Variants in FAM114A1 observed in about 807,000 individuals in gnomAD.
FAM114A1 encodes the protein family with sequence similarity 114 member A1.
FAM114A1 carries 62 observed loss-of-function variants against 64.3 expected under a neutral mutation model. That is an observed-to-expected ratio of 0.96 (90% confidence interval 0.79 to 1.19). The LOEUF (loss-of-function observed/expected upper bound fraction) is 1.19. Among genes scored for constraint, FAM114A1 ranks in the 50% most tolerant of loss-of-function variants. The pLI is 0.00. For missense variants in FAM114A1, 645 were observed against 676.3 expected (o/e 0.95, Z 0.51); for synonymous variants, 254 against 251.1 (o/e 1.01, Z -0.11).
intron 12 of FAM114A1, among the ~76,000 whole-genome samples, 172 bp downstream of exon 12, chr4:38,932,546 G>C (rs942696150): frequency 1.2e-4 from 18 of 152,118 alleles, no homozygotes; most frequent in Admixed American, 6.5e-5. Flanking sequence ...ACCCAGACTG[G>C]AGTGCAATGG....
chr4:38,897,021 A>G (rs915089195), intron 4 of FAM114A1, among the ~76,000 whole-genome samples: 3 of 152,230 alleles, frequency 2.0e-5, no homozygotes, highest in Middle Eastern at 3.2e-3. Flanking sequence ...ACAGTTGTTG[A>G]AAAACTGCAG....
chr4:38,927,188 A>G (rs1371813320), intron 9 of FAM114A1, among the ~76,000 whole-genome samples: 7 of 152,062 alleles, frequency 4.6e-5, no homozygotes, highest in African/African-American at 1.2e-4. Flanking sequence ...ACATTACTCA[A>G]TTGTCACCTT....
chr4:38,914,406 A>C lies in FAM114A1; in HGVS notation c.793-515A>C, dbSNP rs566871465. Among the ~76,000 whole-genome samples the C allele has an allele frequency of 6.4e-4, 98 of 152,084 alleles. 1 individual carries two copies. Among genetic ancestry groups the C allele is most frequent in the Non-Finnish European group, 1.2e-3 (81 of 67,990 alleles). On this transcript the variant is annotated intron_variant, in intron 7 of 14. Coordinates refer to ENST00000358869, the MANE Select transcript of FAM114A1 (RefSeq NM_138389.4). ...ATGGTGAAACCCTGTCTCTACCAAAAAATACAAAAATTAGCTGGGCATGGT... is the reference window on the plus strand; with the variant it reads ...ATGGTGAAACCCTGTCTCTACCAAACAATACAAAAATTAGCTGGGCATGGT...
chr4:38,936,669 C>T (rs1721134761), intron 13 of FAM114A1, among the ~76,000 whole-genome samples: 2 of 151,508 alleles, frequency 1.3e-5, no homozygotes, highest in Non-Finnish European at 1.5e-5. Flanking sequence ...TCTCCTGCCT[C>T]AGCCTCCAAA....
chr4:38,908,462 T>A, intron 6 of FAM114A1, 130 bp from the exon 7 acceptor site: 1 of 824,856 alleles, frequency 1.2e-6, no homozygotes, highest in Non-Finnish European at 1.8e-6. Flanking sequence ...ATAAATCTCC[T>A]GATGAGAAAA....
chr4:38,874,043 C>G (rs1256638426), intron 2 of FAM114A1, among the ~76,000 whole-genome samples: 1 of 152,132 alleles, frequency 6.6e-6, no homozygotes, highest in East Asian at 1.9e-4. Context: ...GATAGATTCT[C>G]AATAAAGAGC....
intron 12 of FAM114A1, among the ~76,000 whole-genome samples, chr4:38,934,411 G>GTGGGTGGATGGA (rs1024351859): frequency 2.6e-5 from 4 of 152,092 alleles, no homozygotes; most frequent in African/African-American, 9.7e-5. Context: ...GGATGGGTGG[G>GTGGGTGGATGGA]TGGGTGGATG....
At chr4:38,891,858 G>C in intron 4 of FAM114A1, 28 bp downstream of exon 4, 1 of 1,580,106 alleles carries the variant, frequency 6.3e-7, no homozygotes, top group African/African-American at 1.4e-5. Flanking sequence ...CATTGGAATA[G>C]ACAAAGTACC....
At chr4:38,897,033 T>C (rs915814646) in intron 4 of FAM114A1, among the ~76,000 whole-genome samples, 1 of 152,136 alleles carries the variant, frequency 6.6e-6, no homozygotes, top group Admixed American at 6.5e-5. Context: ...AAACTGCAGT[T>C]AGAATAGTTA....
At position 38,945,500 on chromosome 4, in the gene FAM114A1, A is replaced by G. The variant is rs1211444307; in HGVS notation, c.*1943A>G. The stretch of plus-strand genomic sequence containing the variant: ...GGCAAATGAAGCTCACAGTTTTGCA[A>G]GGTGGAAACCTCTTATTCACATTTG... On this transcript the variant is annotated 3_prime_UTR_variant, in exon 15 of 15. Transcript: ENST00000358869. 1 of 152,236 alleles carries G rather than the reference A, an allele frequency of 6.6e-6. No individual in the cohort carries two copies. Among genetic ancestry groups the G allele is most frequent in the Non-Finnish European group, 1.5e-5 (1 of 68,042 alleles). 9.4% of individuals were successfully genotyped at this position (152,236 alleles called of 1,614,324 possible). A position where few individuals can be genotyped will look rare whatever the true frequency, so the allele number is the denominator to read the frequency against.
At chr4:38,905,668 A>G in intron 5 of FAM114A1, 33 bp downstream of exon 5, 1 of 1,607,846 alleles carries the variant, frequency 6.2e-7, no homozygotes, top group Non-Finnish European at 8.5e-7. Flanking sequence ...GTGTTCTTGG[A>G]CTTTATTACA....
chr4:38,943,300 G>T (rs1221526677), intron 14 of FAM114A1, among the ~76,000 whole-genome samples, 156 bp from the exon 15 acceptor site: 2 of 151,790 alleles, frequency 1.3e-5, no homozygotes, highest in Non-Finnish European at 2.9e-5. Context: ...CCATCCAAAA[G>T]CATGTGTTTA....
chr4:38,915,297 C>T (rs1244103653), intron 8 of FAM114A1, among the ~76,000 whole-genome samples: 1 of 152,056 alleles, frequency 6.6e-6, no homozygotes, highest in Non-Finnish European at 1.5e-5. Flanking sequence ...AAGGCCTGCA[C>T]AGTAAGAGCC....
chr4:38,915,153 T>C lies in FAM114A1; in HGVS notation c.945+80T>C, dbSNP rs1579367272. 2.6e-6 allele frequency: 4 copies of C among 1,539,656 alleles called. No homozygotes were observed. The East Asian group carries it at 9.0e-5, about 35-fold the overall frequency. ...ATGAAAGAAACTGGAAAATCTGCCA[T>C]TAAAAGATCTCATTTTTAGAGCCTC... is the stretch of plus-strand genomic sequence containing the variant. On this transcript the variant is annotated intron_variant, in intron 8 of 14. Transcript: ENST00000358869.
intron 4 of FAM114A1, among the ~76,000 whole-genome samples, chr4:38,899,715 A>G (rs181396140): frequency 7.2e-5 from 11 of 152,324 alleles, no homozygotes; most frequent in Non-Finnish European, 5.9e-5. Flanking sequence ...AGTCACTCCT[A>G]TATCAGAGCA....
intron 4 of FAM114A1, among the ~76,000 whole-genome samples, chr4:38,900,822 G>A (rs1717441382): frequency 6.6e-6 from 1 of 152,014 alleles, no homozygotes; most frequent in South Asian, 2.1e-4. Context: ...TTTTATACAA[G>A]GGAAAAAGTT....
chr4:38,914,594 TA>T, intron 7 of FAM114A1: 1 of 185,552 alleles, frequency 5.4e-6, no homozygotes, highest in Non-Finnish European at 1.1e-5. Flanking sequence ...AATAAGAAAA[TA>T]AGAAAGTTAA....
chr4:38,876,664 A>G (rs1226139348), intron 2 of FAM114A1, among the ~76,000 whole-genome samples: 1 of 152,216 alleles, frequency 6.6e-6, no homozygotes, highest in Non-Finnish European at 1.5e-5. Flanking sequence ...ATTACAACTA[A>G]CTTCACGGCT....
At chr4:38,900,876 A>G (rs966360598) in intron 4 of FAM114A1, among the ~76,000 whole-genome samples, 4 of 151,972 alleles carry the variant, frequency 2.6e-5, no homozygotes, top group South Asian at 2.1e-4. Context: ...TTGTGAAGGT[A>G]TTTGGTATCT....
Sources: gnomAD v4.1 joint callset for allele counts (sites outside exome capture counted in the v4.1 genomes callset) on GRCh38, gnomAD v4.1.1 for gene constraint, MANE v1.5 for transcripts, NCBI Gene and HGNC (gene_info 2026-07-23, HGNC 2026-07-21) for gene names.